DLC1: variants seen among roughly 807,000 people sequenced by gnomAD.
The protein encoded by DLC1 is DLC1 Rho GTPase activating protein.
DLC1 carries 54 observed loss-of-function variants against 140.3 expected under a neutral mutation model. The observed-to-expected ratio is 0.38, with a 90% CI of 0.31 to 0.48. DLC1 has a LOEUF of 0.48. DLC1 is among the 20% of genes least tolerant of loss of function. The probability of loss-of-function intolerance (pLI) is 0.96; values close to 1 mark genes in which losing one functional copy is unlikely to be tolerated. For synonymous variants in DLC1, 986 were observed against 728.1 expected, an observed-to-expected ratio of 1.35 and a Z score of -5.70; for missense variants, 2,536 against 1,907.0, an observed-to-expected ratio of 1.33 and a Z score of -6.14.
intron 5 of DLC1, among the ~76,000 whole-genome samples, chr8:13,281,444 A>T (rs2117425616): frequency 6.6e-6 from 1 of 152,354 alleles, no homozygotes; most frequent in South Asian, 2.1e-4. Context: ...CTTGGAAGGC[A>T]GGGAGAAAAT....
At chr8:13,358,808 G>C (rs1835068841) in intron 4 of DLC1, among the ~76,000 whole-genome samples, 2 of 152,070 alleles carry the variant, frequency 1.3e-5, no homozygotes, top group South Asian at 4.1e-4. Context: ...TTCTCTTTAG[G>C]TATATACTCA....
At chr8:13,546,752 T>A (rs7835779) in intron 1 of DLC1, among the ~76,000 whole-genome samples, 1 of 151,992 alleles carries the variant, frequency 6.6e-6, no homozygotes, top group South Asian at 2.1e-4. Flanking sequence ...TAAATGGCTC[T>A]AAGCATTCTG....
chr8:13,306,705 G>A (rs3988460), intron 4 of DLC1, among the ~76,000 whole-genome samples: 56,654 of 151,650 alleles, frequency 0.37, 11,253 homozygotes, highest in Middle Eastern at 0.48. Context: ...TGAAATATTG[G>A]TTACTGCTGA....
At position 13,090,129 on chromosome 8, in the gene DLC1, T is replaced by A. The variant is rs1013199079; in HGVS notation, c.4074+123A>T. 5.7e-6 allele frequency: 5 copies of A among 875,264 alleles called. No homozygotes were observed. In the Admixed American group the frequency reaches 1.4e-4, roughly 24 times the overall value. 54.2% of individuals were successfully genotyped at this position (875,264 alleles called of 1,614,324 possible). On this transcript the variant is annotated intron_variant, in intron 15 of 17. Coordinates refer to ENST00000276297, the MANE Select transcript of DLC1 (RefSeq NM_182643.3). ...GATCTTACTCACCCCGGTGCCCAGC[T>A]CTACAAGGGAGGTTGTGGGCTACAG...
chr8:13,410,474 G>C (rs1223204473), intron 2 of DLC1, among the ~76,000 whole-genome samples: 1 of 151,970 alleles, frequency 6.6e-6, no homozygotes, highest in Non-Finnish European at 1.5e-5. Flanking sequence ...ACGAAAATCT[G>C]ATAATTTCAA....
At chr8:13,344,240 TC>T (rs1396294111) in intron 4 of DLC1, among the ~76,000 whole-genome samples, 1 of 152,208 alleles carries the variant, frequency 6.6e-6, no homozygotes, top group Non-Finnish European at 1.5e-5. Context: ...ATACCTGTAA[TC>T]CCAGCACTTT....
At chr8:13,403,371 CTTAT>C (rs1837383202) in intron 2 of DLC1, among the ~76,000 whole-genome samples, 1 of 152,164 alleles carries the variant, frequency 6.6e-6, no homozygotes, top group African/African-American at 2.4e-5. Context: ...GTGCTTATAA[CTTAT>C]TTAGGTTAAT....
chr8:13,533,879 T>C (rs1803183365), intron 1 of DLC1, among the ~76,000 whole-genome samples: 1 of 152,192 alleles, frequency 6.6e-6, no homozygotes, highest in South Asian at 2.1e-4. Context: ...CACTGCCTTG[T>C]GAGGAAGGTA....
At chr8:13,289,086 T>C (rs1831653308) in intron 5 of DLC1, among the ~76,000 whole-genome samples, 1 of 152,320 alleles carries the variant, frequency 6.6e-6, no homozygotes, top group South Asian at 2.1e-4. Flanking sequence ...TGTTCCTTTT[T>C]CCTAAGGCAT....
chr8:13,181,749 G>T (rs1446731959), intron 5 of DLC1, among the ~76,000 whole-genome samples: 1 of 152,024 alleles, frequency 6.6e-6, no homozygotes, highest in Admixed American at 6.6e-5. Flanking sequence ...ATGGACATTT[G>T]GGTTGGTTCC....
At chr8:13,357,932 A>C (rs1227202988) in intron 4 of DLC1, among the ~76,000 whole-genome samples, 2 of 152,200 alleles carry the variant, frequency 1.3e-5, no homozygotes. Context: ...TGCCTATGGT[A>C]CAGATTTTCA....
At chr8:13,107,622 G>T (rs1479579125) in intron 7 of DLC1, among the ~76,000 whole-genome samples, 1 of 152,196 alleles carries the variant, frequency 6.6e-6, no homozygotes, top group Non-Finnish European at 1.5e-5. Flanking sequence ...TTATTTGCTG[G>T]CCCTTGAATT....
intron 1 of DLC1, chr8:13,567,832 A>G (rs1468973364): frequency 1.3e-6 from 2 of 1,551,886 alleles, no homozygotes; most frequent in African/African-American, 1.4e-5. Flanking sequence ...AAGATCAGAG[A>G]CAGAGCAGAA....
chr8:13,109,240 C>T (rs545311560), intron 7 of DLC1, among the ~76,000 whole-genome samples: 41 of 152,092 alleles, frequency 2.7e-4, no homozygotes, highest in South Asian at 2.5e-3. Flanking sequence ...GTCATTCTAC[C>T]TTCATGATGT....
chr8:13,237,511 C>T (rs1563188372), intron 5 of DLC1, among the ~76,000 whole-genome samples: 1 of 151,928 alleles, frequency 6.6e-6, no homozygotes, highest in African/African-American at 2.4e-5. Context: ...TTTTTGGTTG[C>T]ATGGATGGCT....
At chr8:13,197,597 C>T (rs886334411) in intron 5 of DLC1, among the ~76,000 whole-genome samples, 1 of 152,010 alleles carries the variant, frequency 6.6e-6, no homozygotes, top group Non-Finnish European at 1.5e-5. Flanking sequence ...CCTCCTGCCT[C>T]GGCGTCCCAA....
intron 5 of DLC1, among the ~76,000 whole-genome samples, chr8:13,231,065 G>C (rs1279354942): frequency 6.6e-6 from 1 of 152,102 alleles, no homozygotes; most frequent in African/African-American, 2.4e-5. Flanking sequence ...AGGGATCTTT[G>C]GAATCTGGAC....
chr8:13,314,879 G>C (rs984925274), intron 4 of DLC1, among the ~76,000 whole-genome samples: 8 of 152,194 alleles, frequency 5.3e-5, no homozygotes, highest in Non-Finnish European at 1.0e-4. Flanking sequence ...TTATTACAGG[G>C]AGATATTCAT....
chr8:13,246,514 G>C (rs775088479), intron 5 of DLC1, among the ~76,000 whole-genome samples: 17 of 152,112 alleles, frequency 1.1e-4, no homozygotes, highest in Non-Finnish European at 1.6e-4. Context: ...GAGTATGACT[G>C]TGTGTGTGTA....
Sources: gnomAD v4.1 joint callset for allele counts (sites outside exome capture counted in the v4.1 genomes callset) on GRCh38, gnomAD v4.1.1 for gene constraint, MANE v1.5 for transcripts, NCBI Gene and HGNC (gene_info 2026-07-23, HGNC 2026-07-21) for gene names.